KLF7: variants seen among roughly 807,000 people sequenced by gnomAD.
KLF7 encodes the protein Krueppel-like factor 7.
Under a neutral mutation model 27.3 loss-of-function variants are expected in KLF7, and 2 were observed. The ratio of observed to expected loss-of-function variants is 0.07; its 90% CI spans 0.03 to 0.23. The LOEUF (loss-of-function observed/expected upper bound fraction) is 0.23, where lower values mean the gene tolerates loss of function less well. Ranked by LOEUF, KLF7 falls within the 10% of genes least tolerant of loss-of-function variation. The pLI is 1.00. For missense variants in KLF7, 221 were observed against 394.1 expected (o/e 0.56, Z 3.72); for synonymous variants, 165 against 162.4 (o/e 1.02, Z -0.12).
chr2:207,109,295 G>T (rs777600675), intron 2 of KLF7, among the ~76,000 whole-genome samples: 5 of 152,170 alleles, frequency 3.3e-5, no homozygotes, highest in African/African-American at 7.2e-5. Flanking sequence ...TTCTGAATTA[G>T]TAGTTATACT....
intron 1 of KLF7, among the ~76,000 whole-genome samples, chr2:207,139,513 C>T (rs889692329): frequency 6.6e-6 from 1 of 151,968 alleles, no homozygotes; most frequent in Non-Finnish European, 1.5e-5. Flanking sequence ...TGGTCCAACC[C>T]TGAACTTTCC....
chr2:207,104,171 T>C (rs1007770959), intron 2 of KLF7, among the ~76,000 whole-genome samples: 1 of 152,214 alleles, frequency 6.6e-6, no homozygotes, highest in African/African-American at 2.4e-5. Flanking sequence ...CCAGAGCCCA[T>C]ATACTACTAA....
intron 1 of KLF7, among the ~76,000 whole-genome samples, chr2:207,164,424 T>C (rs551391736): frequency 6.6e-6 from 1 of 152,246 alleles, no homozygotes; most frequent in East Asian, 1.9e-4. Context: ...TGGTGCACAC[T>C]GTACAATTTT....
chr2:207,143,910 C>A (rs1047471186), intron 1 of KLF7, among the ~76,000 whole-genome samples: 1 of 152,182 alleles, frequency 6.6e-6, no homozygotes, highest in Admixed American at 6.5e-5. Context: ...CACATTCCCC[C>A]TGTGACTGAG....
At chr2:207,171,965 T>C (rs757163695), upstream of KLF7, among the ~76,000 whole-genome samples, 9 of 152,318 alleles carry the variant, frequency 5.9e-5, no homozygotes, top group Admixed American at 5.2e-4. Flanking sequence ...AGAAAGTGAT[T>C]GTTGGTTTAA....
chr2:207,110,628 A>C (rs998585374), intron 2 of KLF7, among the ~76,000 whole-genome samples: 1 of 152,214 alleles, frequency 6.6e-6, no homozygotes, highest in African/African-American at 2.4e-5. Context: ...GGAGGGCATG[A>C]GGCTCAGGAA....
chr2:207,121,162 T>C (rs146772376), intron 2 of KLF7, among the ~76,000 whole-genome samples: 115 of 152,370 alleles, frequency 7.5e-4, no homozygotes, highest in African/African-American at 2.5e-3. Context: ...TATGGGCTAA[T>C]GCTTGCATGT....
At position 207,123,755 on chromosome 2, in the gene KLF7, G is replaced by C; in HGVS notation, c.733+19C>G. 2 of 1,598,112 alleles carry C rather than the reference G, an allele frequency of 1.3e-6. No homozygotes were observed. Among genetic ancestry groups the C allele is most frequent in the South Asian group, 2.3e-5 (2 of 88,848 alleles). On this transcript the variant is annotated intron_variant, in intron 2 of 3. Coordinates refer to ENST00000309446, the MANE Select transcript of KLF7 (RefSeq NM_003709.4). Reference sequence around the variant, plus strand: ...GGAGGGGAAAGAAGAAACCACGTGCGGCCAACTTGTACCACTACCTGTGTG... The same window carrying C: ...GGAGGGGAAAGAAGAAACCACGTGCCGCCAACTTGTACCACTACCTGTGTG...
intron 3 of KLF7, among the ~76,000 whole-genome samples, chr2:207,084,357 G>A (rs908582632): frequency 6.6e-6 from 1 of 151,972 alleles, no homozygotes; most frequent in African/African-American, 2.4e-5. Flanking sequence ...ATATGTGTTC[G>A]GCTTTATATC....
chr2:207,111,951 T>C (rs1224159824), intron 2 of KLF7, among the ~76,000 whole-genome samples: 2 of 152,020 alleles, frequency 1.3e-5, no homozygotes, highest in African/African-American at 2.4e-5. Flanking sequence ...CCAGACTTCT[T>C]TGAACTTTTC....
intron 2 of KLF7, among the ~76,000 whole-genome samples, chr2:207,122,698 C>CA (rs1301558854): frequency 1.3e-5 from 2 of 152,156 alleles, no homozygotes; most frequent in Non-Finnish European, 2.9e-5. Context: ...AGGCACAGCC[C>CA]AGAAGGCCCC....
intron 1 of KLF7, among the ~76,000 whole-genome samples, chr2:207,130,909 G>C (rs750042267): frequency 3.9e-5 from 6 of 152,172 alleles, no homozygotes; most frequent in Non-Finnish European, 8.8e-5. Context: ...TTCTGGTACA[G>C]AGTCAACGAA....
chr2:207,077,323 T>C lies in KLF7; in HGVS notation c.*3890A>G, dbSNP rs2076192319. ...ATAGACATGGATAATCTGGAAAGCT[T>C]ATCCCAAACAAAAGTCCTTATAAAA... is the stretch of plus-strand genomic sequence containing the variant. On this transcript the variant is annotated 3_prime_UTR_variant, in exon 4 of 4. Coordinates refer to ENST00000309446, the MANE Select transcript of KLF7 (RefSeq NM_003709.4). The C allele has an allele frequency of 6.6e-6, 1 of 152,172 alleles. No individual in the cohort carries two copies. Among genetic ancestry groups the C allele is most frequent in the South Asian group, 2.1e-4 (1 of 4,832 alleles). The allele number at this position is 152,172 out of a possible 1,614,324, so 9.4% of individuals were successfully genotyped here. A position where few individuals can be genotyped will look rare whatever the true frequency, so the allele number is the denominator to read the frequency against.
intron 2 of KLF7, among the ~76,000 whole-genome samples, chr2:207,094,697 T>C (rs1008990205): frequency 1.3e-5 from 2 of 152,220 alleles, no homozygotes; most frequent in Admixed American, 6.5e-5. Flanking sequence ...CTTCTCAACC[T>C]GTAGGTGATG....
chr2:207,113,617 G>T (rs1228930155), intron 2 of KLF7, among the ~76,000 whole-genome samples: 1 of 129,820 alleles, frequency 7.7e-6, no homozygotes. Flanking sequence ...TGGGGGGGGG[G>T]GGGAAATGAT....
At chr2:207,101,998 T>C (rs2076774964) in intron 2 of KLF7, among the ~76,000 whole-genome samples, 1 of 152,030 alleles carries the variant, frequency 6.6e-6, no homozygotes, top group East Asian at 1.9e-4. Flanking sequence ...ATACTATTGG[T>C]CCATCTCCAT....
chr2:207,153,271 T>C (rs184593201), intron 1 of KLF7, among the ~76,000 whole-genome samples: 70 of 152,278 alleles, frequency 4.6e-4, no homozygotes, highest in Admixed American at 7.8e-4. Flanking sequence ...TTTATTCTTT[T>C]AAGAACAAAT....
At chr2:207,165,322 A>G in intron 1 of KLF7, 145 bp downstream of exon 1, 1 of 1,222,166 alleles carries the variant, frequency 8.2e-7, no homozygotes, top group Admixed American at 2.3e-5. Context: ...CTGTTTCAGA[A>G]AACATTTTCA....
chr2:207,129,418 A>C (rs1355827973), intron 1 of KLF7, among the ~76,000 whole-genome samples: 2 of 152,184 alleles, frequency 1.3e-5, no homozygotes, highest in African/African-American at 2.4e-5. Context: ...AATGGGAAGA[A>C]AATATTCCCG....
Sources: gnomAD v4.1 joint callset for allele counts (sites outside exome capture counted in the v4.1 genomes callset) on GRCh38, gnomAD v4.1.1 for gene constraint, MANE v1.5 for transcripts, NCBI Gene and HGNC (gene_info 2026-07-23, HGNC 2026-07-21) for gene names.